Variants in WWOX observed in about 807,000 individuals in gnomAD.
WWOX encodes WW domain containing oxidoreductase, also known as WW domain-containing oxidoreductase.
In WWOX, 69 loss-of-function variants were observed where a neutral mutation model predicts 46.2. The ratio of observed to expected loss-of-function variants is 1.49; its 90% CI spans 1.23 to 1.82. The LOEUF is 1.82. Among genes scored for constraint, WWOX ranks in the 40% most tolerant of loss-of-function variants. The pLI is 0.00. For missense variants in WWOX, 919 were observed against 542.6 expected, an observed-to-expected ratio of 1.69 and a Z score of -6.89; for synonymous variants, 359 against 202.6, an observed-to-expected ratio of 1.77 and a Z score of -6.56.
chr16:78,315,494 AT>A (rs1252558318), intron 5 of WWOX, among the ~76,000 whole-genome samples: 1 of 152,108 alleles, frequency 6.6e-6, no homozygotes, highest in Admixed American at 6.5e-5. Context: ...TGCTACAGAT[AT>A]AAAAATTGGC....
Position 78,861,052 on chromosome 16 carries a change from T to G in WWOX, c.1057-350556T>G, listed in dbSNP as rs189366846. On this transcript the variant is annotated intron_variant, in intron 8 of 8. Coordinates refer to ENST00000566780, the MANE Select transcript of WWOX (RefSeq NM_016373.4). ...CTAGGCTTGTCTCGAACTCCTGGGC[T>G]CAAGCAATGTGCTTGCCTTGGCCTC... Among the ~76,000 whole-genome samples the G allele has an allele frequency of 7.2e-5, 11 of 152,248 alleles. No homozygotes were observed. In the South Asian group the frequency reaches 1.0e-3, roughly 14 times the overall value.
At chr16:78,684,733 A>C (rs1405784062) in intron 8 of WWOX, among the ~76,000 whole-genome samples, 1 of 152,060 alleles carries the variant, frequency 6.6e-6, no homozygotes, top group Non-Finnish European at 1.5e-5. Flanking sequence ...TCTACTTTTT[A>C]GTGGGACGCA....
At chr16:79,032,666 G>GTA (rs35179419) in intron 8 of WWOX, among the ~76,000 whole-genome samples, 1,808 of 148,080 alleles carry the variant, frequency 0.012, 15 homozygotes, top group Middle Eastern at 0.025. Context: ...ATTTACATAT[G>GTA]TATATATATA....
chr16:78,628,858 C>T (rs1305938618), intron 8 of WWOX, among the ~76,000 whole-genome samples: 2 of 152,148 alleles, frequency 1.3e-5, no homozygotes, highest in East Asian at 3.9e-4. Context: ...ATTAAGAGGC[C>T]ACTGTTGTGA....
At chr16:79,198,825 A>C (rs2051291203) in intron 8 of WWOX, among the ~76,000 whole-genome samples, 1 of 152,166 alleles carries the variant, frequency 6.6e-6, no homozygotes. Flanking sequence ...ACCCTCATAA[A>C]ATGTTTGCTA....
At chr16:78,934,119 A>T (rs910527538) in intron 8 of WWOX, among the ~76,000 whole-genome samples, 3 of 151,896 alleles carry the variant, frequency 2.0e-5, no homozygotes, top group Admixed American at 2.0e-4. Flanking sequence ...GCAGATCACA[A>T]GGTCAGGAGA....
chr16:78,600,606 G>A (rs2045598972), intron 8 of WWOX, among the ~76,000 whole-genome samples: 1 of 152,138 alleles, frequency 6.6e-6, no homozygotes, highest in East Asian at 1.9e-4. Context: ...GACCCATCTT[G>A]TGACTGCACA....
rs1409946725 is a variant in WWOX at position 78,505,203 on chromosome 16, A to G, written c.1056+72451A>G. Among the ~76,000 whole-genome samples, 4 of 152,206 alleles carry G rather than the reference A, an allele frequency of 2.6e-5. No individual in the cohort carries two copies. In the East Asian group the frequency reaches 7.7e-4, roughly 29 times the overall value. ...ACTTTTGAAAGCTGTGGCCCATCCC[A>G]AATGAATTCTAATCGTCAGCCTCTA... On this transcript the variant is annotated intron_variant, in intron 8 of 8. Transcript: ENST00000566780.
At chr16:78,203,223 A>C (rs920216916) in intron 5 of WWOX, among the ~76,000 whole-genome samples, 5 of 152,122 alleles carry the variant, frequency 3.3e-5, no homozygotes, top group Non-Finnish European at 7.4e-5. Context: ...TGTTGGACTT[A>C]GTGCAAAATC....
chr16:78,210,498 CACAG>C (rs1341632600), intron 5 of WWOX, among the ~76,000 whole-genome samples: 2 of 152,130 alleles, frequency 1.3e-5, no homozygotes, highest in African/African-American at 4.8e-5. Flanking sequence ...CGTGCACACA[CACAG>C]ACACACACTC....
At chr16:79,157,651 G>C (rs1036234827) in intron 8 of WWOX, among the ~76,000 whole-genome samples, 8 of 152,192 alleles carry the variant, frequency 5.3e-5, no homozygotes, top group African/African-American at 1.4e-4. Context: ...AAGACCAGCA[G>C]ATCAGGAGAC....
At chr16:79,097,824 G>A (rs532254640) in intron 8 of WWOX, among the ~76,000 whole-genome samples, 2 of 152,252 alleles carry the variant, frequency 1.3e-5, no homozygotes, top group East Asian at 3.9e-4. Flanking sequence ...TTTGCCCGTC[G>A]ATCGCAGTTC....
chr16:78,268,213 A>G (rs1399381166), intron 5 of WWOX, among the ~76,000 whole-genome samples: 1 of 152,208 alleles, frequency 6.6e-6, no homozygotes, highest in Admixed American at 6.5e-5. Context: ...AGTGGCTACA[A>G]ATAAAAGGGA....
At chr16:78,135,438 A>G (rs1318513044) in intron 4 of WWOX, among the ~76,000 whole-genome samples, 7 of 152,200 alleles carry the variant, frequency 4.6e-5, no homozygotes, top group Non-Finnish European at 1.0e-4. Context: ...TTTTAACTAT[A>G]CAGTTGCTGA....
rs1010887671 is a variant in WWOX, at chr16:78,348,306, C to A, written c.517-38554C>A. Among the ~76,000 whole-genome samples the A allele has an allele frequency of 8.3e-5, 10 of 120,946 alleles. 3 individuals are homozygous for A. The highest frequency in any genetic ancestry group is 1.6e-4 in the Admixed American group (2 of 12,452). The allele number at this position is 120,946 out of a possible 152,430, so 79.3% of individuals were successfully genotyped here. A position where few individuals can be genotyped will look rare whatever the true frequency, so the allele number is the denominator to read the frequency against. On this transcript the variant is annotated intron_variant, in intron 5 of 8. Transcript: ENST00000566780. ...GAAAGGTTACGTACAAGTCAAGCTG[C>A]CTCTGTAATGTCACTTATATCCAGG...
At position 78,520,737 on chromosome 16, in the gene WWOX, G is replaced by A. The variant is rs1052531974; in HGVS notation, c.1056+87985G>A. ...CTGCATTGGCCACCCCTGTACCACG[G>A]CCAATGATTCACCCTCCCTAAATCC... On this transcript the variant is annotated intron_variant, in intron 8 of 8. Transcript: ENST00000566780. Among the ~76,000 whole-genome samples the A allele has an allele frequency of 2.6e-5, 4 of 152,034 alleles. No individual in the cohort carries two copies. In the East Asian group the frequency reaches 7.7e-4, roughly 29 times the overall value.
At chr16:78,513,896 C>CG (rs2085424388) in intron 8 of WWOX, among the ~76,000 whole-genome samples, 1 of 140,634 alleles carries the variant, frequency 7.1e-6, no homozygotes, top group African/African-American at 3.0e-5. Flanking sequence ...GTTCCCACTC[C>CG]CCCCCCCCCC....
intron 8 of WWOX, among the ~76,000 whole-genome samples, chr16:78,901,014 A>G (rs887306033): frequency 1.3e-5 from 2 of 152,210 alleles, no homozygotes; most frequent in African/African-American, 2.4e-5. Flanking sequence ...TTCCAAGAAC[A>G]TGTTCTACAG....
intron 8 of WWOX, among the ~76,000 whole-genome samples, chr16:78,680,409 C>T (rs962634723): frequency 6.6e-6 from 1 of 152,104 alleles, no homozygotes; most frequent in African/African-American, 2.4e-5. Flanking sequence ...TGTCACGTGC[C>T]TGTAGTCCTA....
Sources: gnomAD v4.1 joint callset for allele counts (sites outside exome capture counted in the v4.1 genomes callset) on GRCh38, gnomAD v4.1.1 for gene constraint, MANE v1.5 for transcripts, NCBI Gene and HGNC (gene_info 2026-07-23, HGNC 2026-07-21) for gene names.